The following TJP2 variants were observed in gnomAD, a reference collection of about 807,000 sequenced individuals.
TJP2 encodes the protein tight junction protein 2.
Under a neutral mutation model 133.1 loss-of-function variants are expected in TJP2, and 91 were observed. The ratio of observed to expected loss-of-function variants is 0.68; its 90% CI spans 0.58 to 0.81. The LOEUF is 0.81. Ranked by LOEUF, TJP2 falls within the 40% of genes least tolerant of loss-of-function variation. The probability of loss-of-function intolerance (pLI) is 0.00; values close to 1 mark genes in which losing one functional copy is unlikely to be tolerated. For synonymous variants in TJP2, 592 were observed against 583.4 expected (o/e 1.01, Z -0.21); for missense variants, 1,541 against 1,565.6 (o/e 0.98, Z 0.26).
intron 2 of TJP2, among the ~76,000 whole-genome samples, chr9:69,161,339 C>T (rs943142972): frequency 5.3e-5 from 8 of 152,170 alleles, no homozygotes; most frequent in African/African-American, 1.9e-4. Context: ...AGCCATTCTC[C>T]TGCCTCAGCC....
intron 11 of TJP2, among the ~76,000 whole-genome samples, chr9:69,230,952 ATG>A (rs1829727343): frequency 1.3e-5 from 2 of 152,128 alleles, no homozygotes; most frequent in Non-Finnish European, 2.9e-5. Flanking sequence ...TAAAATTACT[ATG>A]TGTTTGTATA....
intron 12 of TJP2, 150 bp from the exon 13 acceptor site, chr9:69,235,878 G>C: frequency 2.8e-6 from 2 of 715,622 alleles, no homozygotes; most frequent in Non-Finnish European, 2.5e-6. Flanking sequence ...ATTTGTCCTT[G>C]TTCCTGTTGG....
At chr9:69,121,303 C>T, upstream of TJP2, 1 of 985,374 alleles carries the variant, frequency 1.0e-6, no homozygotes, top group South Asian at 4.7e-5. Flanking sequence ...AGTAGCGCTG[C>T]GAGCAGCTGC....
At chr9:69,217,004 T>TTC (rs1407326384) in intron 3 of TJP2, among the ~76,000 whole-genome samples, 1 of 151,526 alleles carries the variant, frequency 6.6e-6, no homozygotes, top group Non-Finnish European at 1.5e-5. Context: ...TTTTTTTTTT[T>TTC]TTCAGACAGA....
intron 1 of TJP2, chr9:69,205,457 A>G: frequency 1.1e-6 from 1 of 944,294 alleles, no homozygotes; most frequent in Non-Finnish European, 1.5e-6. Context: ...ATAGCCTCTT[A>G]CTGGATCTGT....
rs775936174 is a variant in TJP2, at chr9:69,251,271, A to G, written c.3228A>G (p.Lys1076=). ...GTGAGGAGCAAGATAATGCTCCCAA[A>G]TCAGTCCTGGGCAAAGTCAAAATAT... is the stretch of plus-strand genomic sequence containing the variant. ...ESSEEQDNAP[K]SVLGKVKIFE... Residue 1076 remains lysine (K), a synonymous_variant, in exon 21 of 23, where the codon AAA becomes AAG. Coordinates refer to ENST00000377245, the MANE Select transcript of TJP2 (RefSeq NM_004817.4). 5.0e-6 allele frequency: 8 copies of G among 1,614,092 alleles called. No homozygotes were observed. The East Asian group carries it at 1.3e-4, about 27-fold the overall frequency.
chr9:69,237,888 G>A lies in TJP2; in HGVS notation c.2190G>A (p.Lys730=). ...ERVLLREAGF[K]RPVVLFGPIA... Reference sequence around the variant, plus strand: ...TTCTTGTCATTTCAGCTGGTTTCAAGAGACCTGTGGTCTTATTCGGCCCCA... The same window carrying A: ...TTCTTGTCATTTCAGCTGGTTTCAAAAGACCTGTGGTCTTATTCGGCCCCA... Residue 730 remains lysine (K), a synonymous_variant, in exon 15 of 23, where the codon AAG becomes AAA. Coordinates refer to ENST00000377245, the MANE Select transcript of TJP2 (RefSeq NM_004817.4). 1 of 1,613,486 alleles carries A rather than the reference G, an allele frequency of 6.2e-7. No homozygotes were observed. Among genetic ancestry groups the A allele is most frequent in the East Asian group, 2.2e-5 (1 of 44,864 alleles).
intron 7 of TJP2, among the ~76,000 whole-genome samples, chr9:69,226,815 A>G (rs1588109729): frequency 6.6e-6 from 1 of 152,220 alleles, no homozygotes; most frequent in Non-Finnish European, 1.5e-5. Context: ...TCATTCTTTA[A>G]AAGTGGCTAT....
At chr9:69,202,336 T>A (rs540432825) in intron 1 of TJP2, among the ~76,000 whole-genome samples, 1 of 152,246 alleles carries the variant, frequency 6.6e-6, no homozygotes, top group East Asian at 1.9e-4. Flanking sequence ...TAAAAGCTCC[T>A]CCCCTTAACA....
intron 4 of TJP2, among the ~76,000 whole-genome samples, chr9:69,220,222 A>G (rs188165199): frequency 6.6e-6 from 1 of 152,194 alleles, no homozygotes; most frequent in South Asian, 2.1e-4. Context: ...ATGCATAGTT[A>G]TAGGGTATGT....
intron 1 of TJP2, among the ~76,000 whole-genome samples, chr9:69,194,152 T>C (rs1178039468): frequency 6.6e-6 from 1 of 152,200 alleles, no homozygotes; most frequent in East Asian, 1.9e-4. Context: ...GAATTCACAG[T>C]CTTCCTCTGC....
chr9:69,168,974 G>C (rs1824520420), intron 2 of TJP2, among the ~76,000 whole-genome samples: 1 of 151,910 alleles, frequency 6.6e-6, no homozygotes, highest in Admixed American at 6.6e-5. Flanking sequence ...TTGTTAACTG[G>C]TGTTTGGACT....
rs1211628087 is a variant in TJP2 at position 69,165,061 on chromosome 9, C to T, written c.-10+13290C>T. ...GCCAGGCTGGTCTTGAACTCTTGGC[C>T]TCAAGTGTTCCGCCTGCCTTGGCCT... On this transcript the variant is annotated intron_variant, in intron 2 of 5. Transcript: ENST00000423935. 2.6e-5 allele frequency among the ~76,000 whole-genome samples: 4 copies of T among 152,278 alleles called. No homozygotes were observed. In the East Asian group the frequency reaches 7.7e-4, roughly 29 times the overall value.
intron 1 of TJP2, among the ~76,000 whole-genome samples, chr9:69,129,175 G>A (rs1030079528): frequency 6.6e-5 from 10 of 152,058 alleles, no homozygotes; most frequent in Non-Finnish European, 1.5e-4. Context: ...ACACACAAAC[G>A]GACTAGTGTA....
At chr9:69,174,709 C>T (rs1031858926) in intron 1 of TJP2, among the ~76,000 whole-genome samples, 51 of 152,284 alleles carry the variant, frequency 3.3e-4, no homozygotes, top group African/African-American at 1.1e-3. Context: ...ACCCGGTGTC[C>T]TGGATTTCTG....
chr9:69,218,922 A>G (rs944182826), intron 4 of TJP2, among the ~76,000 whole-genome samples: 6 of 151,994 alleles, frequency 3.9e-5, no homozygotes, highest in African/African-American at 1.5e-4. Flanking sequence ...CTTAGGGGCA[A>G]TGCTAGTAGG....
At chr9:69,249,283 A>C (rs1831153276) in intron 19 of TJP2, 92 bp from the exon 20 acceptor site, 1 of 1,543,462 alleles carries the variant, frequency 6.5e-7, no homozygotes, top group African/African-American at 1.4e-5. Context: ...TTCTGGACTT[A>C]CTCAAGTTTG....
chr9:69,140,324 G>A (rs1429005564), intron 1 of TJP2, among the ~76,000 whole-genome samples: 2 of 152,158 alleles, frequency 1.3e-5, no homozygotes, highest in Non-Finnish European at 2.9e-5. Flanking sequence ...TATGAGGTAG[G>A]CACTATTATT....
At chr9:69,154,956 G>A (rs1478185994) in intron 2 of TJP2, among the ~76,000 whole-genome samples, 3 of 151,944 alleles carry the variant, frequency 2.0e-5, no homozygotes, top group Non-Finnish European at 4.4e-5. Context: ...AGTGGCTCAC[G>A]CCTGTAATCC....
Sources: allele counts gnomAD v4.1 joint callset (sites outside exome capture counted in the v4.1 genomes callset), GRCh38; gene constraint gnomAD v4.1.1; transcripts MANE v1.5; gene names NCBI Gene and HGNC (gene_info 2026-07-23, HGNC 2026-07-21).